The following NOXRED1 variants were observed in gnomAD, a reference collection of about 807,000 sequenced individuals.
NOXRED1 encodes NADP dependent oxidoreductase domain containing 1, also known as NADP-dependent oxidoreductase domain-containing protein 1.
A neutral mutation model predicts 30.4 loss-of-function variants in NOXRED1; 20 were observed. That is an observed-to-expected ratio of 0.66 (90% CI 0.46 to 0.96). The LOEUF is 0.96. NOXRED1 is among the 40% of genes least tolerant of loss of function. The pLI, the probability that NOXRED1 is intolerant of heterozygous loss-of-function variation, is 0.00. For synonymous variants in NOXRED1, 155 were observed against 168.0 expected (o/e 0.92, Z 0.60); for missense variants, 374 against 428.0 (o/e 0.87, Z 1.11).
chr14:77,419,609 C>T (rs1443094794), intron 1 of NOXRED1, among the ~76,000 whole-genome samples: 25 of 151,650 alleles, frequency 1.6e-4, no homozygotes, highest in Non-Finnish European at 3.2e-4. Context: ...CCACCACGCC[C>T]GGCTAATTTT....
At chr14:77,419,058 CTCTT>C (rs1015297397) in intron 1 of NOXRED1, among the ~76,000 whole-genome samples, 26 of 146,962 alleles carry the variant, frequency 1.8e-4, no homozygotes, top group Non-Finnish European at 3.4e-4. Flanking sequence ...ATCTGGGAAG[CTCTT>C]TCTTTCTCTT....
chr14:77,422,606 T>G (rs1895024235), intron 1 of NOXRED1, 129 bp downstream of exon 1: 1 of 866,158 alleles, frequency 1.2e-6, no homozygotes, highest in African/African-American at 1.7e-5. Context: ...TCATTGACTC[T>G]GGGTTGGAAA....
At chr14:77,403,432 C>G (rs1215308821) in intron 5 of NOXRED1, among the ~76,000 whole-genome samples, 1 of 152,128 alleles carries the variant, frequency 6.6e-6, no homozygotes, top group African/African-American at 2.4e-5. Context: ...TCCTTTACCC[C>G]CATCTATTGG....
At chr14:77,410,347 T>C (rs1375477146) in intron 2 of NOXRED1, among the ~76,000 whole-genome samples, 1 of 152,104 alleles carries the variant, frequency 6.6e-6, no homozygotes, top group East Asian at 1.9e-4. Context: ...GGCTCACACC[T>C]ATATCCCAGC....
chr14:77,394,855 G>C, intron 5 of NOXRED1, 50 bp from the exon 6 acceptor site: 1 of 1,368,332 alleles, frequency 7.3e-7, no homozygotes. Context: ...CAGTATATCT[G>C]ATTTGGCTGT....
rs184064913 is a variant in NOXRED1, at chr14:77,418,651, T to C, written c.155+4084A>G. On this transcript the variant is annotated intron_variant, in intron 1 of 5. Transcript: ENST00000380835. Reference sequence around the variant, plus strand: ...CTCAAGCAATCCTCCCACATCAGACTACCACGTACCTGAGACCACAGGTGT... The same window carrying C: ...CTCAAGCAATCCTCCCACATCAGACCACCACGTACCTGAGACCACAGGTGT... 2.0e-5 allele frequency among the ~76,000 whole-genome samples: 3 copies of C among 152,010 alleles called. No homozygotes were observed. In the East Asian group the frequency reaches 5.8e-4, roughly 29 times the overall value.
chr14:77,396,412 G>A (rs1894188404), intron 5 of NOXRED1, among the ~76,000 whole-genome samples: 1 of 151,986 alleles, frequency 6.6e-6, no homozygotes. Flanking sequence ...ACCATGCCTG[G>A]CTAATTTTGT....
At chr14:77,425,287 G>C (rs1179712083), upstream of NOXRED1, among the ~76,000 whole-genome samples, 1 of 152,176 alleles carries the variant, frequency 6.6e-6, no homozygotes, top group Non-Finnish European at 1.5e-5. Flanking sequence ...TACTCAAACA[G>C]AAAAGACAGG....
At chr14:77,399,937 T>G (rs1375615544) in intron 5 of NOXRED1, among the ~76,000 whole-genome samples, 1 of 152,014 alleles carries the variant, frequency 6.6e-6, no homozygotes, top group African/African-American at 2.4e-5. Flanking sequence ...ACATATCATT[T>G]TGAGACTACA....
chr14:77,424,774 A>G (rs1895084038), upstream of NOXRED1, among the ~76,000 whole-genome samples: 1 of 152,192 alleles, frequency 6.6e-6, no homozygotes, highest in Admixed American at 6.5e-5. Flanking sequence ...CTGAACTGCA[A>G]TTTCCAGAAT....
intron 1 of NOXRED1, among the ~76,000 whole-genome samples, chr14:77,419,753 GTT>G (rs978342396): frequency 1.3e-5 from 2 of 150,010 alleles, no homozygotes; most frequent in Non-Finnish European, 3.0e-5. Flanking sequence ...TGACCAACAG[GTT>G]TTTTTTTTCT....
chr14:77,416,971 C>T (rs561997535), intron 1 of NOXRED1, among the ~76,000 whole-genome samples: 6 of 152,340 alleles, frequency 3.9e-5, no homozygotes, highest in Non-Finnish European at 8.8e-5. Flanking sequence ...GCTTTTGTTG[C>T]AACCCATAAG....
intron 1 of NOXRED1, 79 bp downstream of exon 1, chr14:77,422,656 T>A: frequency 7.0e-7 from 1 of 1,425,462 alleles, no homozygotes; most frequent in Non-Finnish European, 9.9e-7. Flanking sequence ...TACCCTCCAA[T>A]ATAAAAAAAA....
chr14:77,412,215 C>A (rs1394257103), intron 2 of NOXRED1, among the ~76,000 whole-genome samples: 1 of 151,308 alleles, frequency 6.6e-6, no homozygotes, highest in Non-Finnish European at 1.5e-5. Flanking sequence ...GGCATAGTTA[C>A]ATAAATTATG....
intron 1 of NOXRED1, among the ~76,000 whole-genome samples, chr14:77,420,510 T>C (rs1023357469): frequency 6.6e-5 from 10 of 151,768 alleles, no homozygotes; most frequent in African/African-American, 2.2e-4. Context: ...TTGTAATTTG[T>C]AATTTGTAAT....
intron 4 of NOXRED1, chr14:77,406,438 A>T (rs2139675505): frequency 1.7e-6 from 1 of 594,898 alleles, no homozygotes. Flanking sequence ...AAACTACAAG[A>T]TTAGAACAGG....
At position 77,394,126 on chromosome 14, in the gene NOXRED1, G is replaced by A. The variant is rs1037051542; in HGVS notation, c.*505C>T. 3 of 152,402 alleles carry A rather than the reference G, an allele frequency of 2.0e-5. No homozygotes were observed. The highest frequency in any genetic ancestry group is 7.2e-5 in the African/African-American group (3 of 41,442). The allele number at this position is 152,402 out of a possible 1,614,324, so 9.4% of individuals were successfully genotyped here. ...CTGTAAATAAGATAGTACCAGAACA[G>A]TCATATATAGTCAAAATAAGCATGA... On this transcript the variant is annotated 3_prime_UTR_variant, in exon 6 of 6. Transcript: ENST00000380835.
At chr14:77,403,885 AT>A (rs1316118607) in intron 5 of NOXRED1, among the ~76,000 whole-genome samples, 1 of 152,172 alleles carries the variant, frequency 6.6e-6, no homozygotes, top group Admixed American at 6.6e-5. Context: ...CTGAAAGACA[AT>A]GAAGCAATGC....
At chr14:77,413,410 TG>T (rs1186179004) in intron 2 of NOXRED1, among the ~76,000 whole-genome samples, 1 of 152,050 alleles carries the variant, frequency 6.6e-6, no homozygotes, top group Non-Finnish European at 1.5e-5. Context: ...AGCTAATTTT[TG>T]TATTTTTAAT....
Sources: gnomAD v4.1 joint callset for allele counts (sites outside exome capture counted in the v4.1 genomes callset) on GRCh38, gnomAD v4.1.1 for gene constraint, MANE v1.5 for transcripts, NCBI Gene and HGNC (gene_info 2026-07-23, HGNC 2026-07-21) for gene names.